ATRNL1: variants seen among roughly 807,000 people sequenced by gnomAD.
ATRNL1 encodes the protein attractin-like protein 1.
In ATRNL1, 95 loss-of-function variants were observed where a neutral mutation model predicts 182.7. The ratio of observed to expected loss-of-function variants is 0.52; its 90% CI spans 0.44 to 0.62. The LOEUF is 0.62. Among genes scored for constraint, ATRNL1 ranks in the 20% least tolerant of loss-of-function variants. The pLI is 0.00. For synonymous variants in ATRNL1, 576 were observed against 568.3 expected, an observed-to-expected ratio of 1.01 and a Z score of -0.19; for missense variants, 1,471 against 1,679.5, an observed-to-expected ratio of 0.88 and a Z score of 2.17.
chr10:115,590,656 CA>C (rs1404439620), intron 26 of ATRNL1, among the ~76,000 whole-genome samples: 2 of 152,064 alleles, frequency 1.3e-5, no homozygotes, highest in African/African-American at 4.8e-5. Context: ...GGAAGAAACT[CA>C]AAAGTCTCAT....
chr10:115,321,594 T>C (rs1854586976), intron 18 of ATRNL1, among the ~76,000 whole-genome samples: 2 of 151,820 alleles, frequency 1.3e-5, no homozygotes, highest in South Asian at 4.1e-4. Context: ...TTTCAGGTCT[T>C]GGCTAGTGGT....
intron 17 of ATRNL1, among the ~76,000 whole-genome samples, chr10:115,303,728 C>A (rs914786396): frequency 3.3e-5 from 5 of 151,968 alleles, no homozygotes; most frequent in Non-Finnish European, 5.9e-5. Flanking sequence ...AATACTTTAA[C>A]CTGCAGTAAA....
At chr10:115,544,674 AT>A (rs146808336) in intron 25 of ATRNL1, among the ~76,000 whole-genome samples, 1,770 of 152,324 alleles carry the variant, frequency 0.012, 28 homozygotes, top group African/African-American at 0.04. Flanking sequence ...CAACACTGGG[AT>A]TACAATTCAA....
chr10:115,606,786 A>G (rs1393610212), intron 26 of ATRNL1, among the ~76,000 whole-genome samples: 2 of 152,038 alleles, frequency 1.3e-5, no homozygotes, highest in African/African-American at 4.8e-5. Flanking sequence ...ACAGTGCCAG[A>G]ATTAAAGACG....
chr10:115,143,970 A>C (rs1845859350), intron 5 of ATRNL1, among the ~76,000 whole-genome samples: 1 of 149,706 alleles, frequency 6.7e-6, no homozygotes. Context: ...TAATATGAGA[A>C]TTTTTTTTGT....
At chr10:115,328,331 G>T (rs1855026731) in intron 18 of ATRNL1, among the ~76,000 whole-genome samples, 1 of 151,970 alleles carries the variant, frequency 6.6e-6, no homozygotes, top group Non-Finnish European at 1.5e-5. Context: ...GTTTCACACG[G>T]TTCAATGCGA....
intron 25 of ATRNL1, among the ~76,000 whole-genome samples, chr10:115,545,038 G>A (rs1554993230): frequency 6.6e-6 from 1 of 151,856 alleles, no homozygotes; most frequent in East Asian, 1.9e-4. Context: ...CATTTATAAA[G>A]TATTACCCTA....
At chr10:115,933,727 T>C (rs1440294596) in intron 28 of ATRNL1, among the ~76,000 whole-genome samples, 2 of 152,142 alleles carry the variant, frequency 1.3e-5, no homozygotes, top group Admixed American at 6.5e-5. Context: ...TTTTGGGACT[T>C]TTGCTGCAAA....
intron 28 of ATRNL1, among the ~76,000 whole-genome samples, chr10:115,858,267 A>G (rs1951231807): frequency 6.6e-6 from 1 of 152,240 alleles, no homozygotes; most frequent in Non-Finnish European, 1.5e-5. Context: ...CACTGTTCAC[A>G]ATAGCAAAGA....
intron 13 of ATRNL1, among the ~76,000 whole-genome samples, chr10:115,277,033 A>G (rs1852135705): frequency 6.6e-6 from 1 of 152,010 alleles, no homozygotes. Context: ...TTTATAGGTT[A>G]TTTTATTTAT....
chr10:115,649,367 C>T (rs782144247), intron 26 of ATRNL1, among the ~76,000 whole-genome samples: 1 of 152,040 alleles, frequency 6.6e-6, no homozygotes, highest in Non-Finnish European at 1.5e-5. Flanking sequence ...TCCAGCCTTC[C>T]TTAATTATTC....
chr10:115,862,578 G>T (rs981078976), intron 28 of ATRNL1, among the ~76,000 whole-genome samples: 1 of 152,188 alleles, frequency 6.6e-6, no homozygotes, highest in African/African-American at 2.4e-5. Context: ...AATTTAAAAA[G>T]TGTGGCAACC....
chr10:115,907,103 CA>C (rs11324278), intron 28 of ATRNL1, among the ~76,000 whole-genome samples: 12,410 of 152,156 alleles, frequency 0.082, 1,509 homozygotes, highest in African/African-American at 0.27. Flanking sequence ...CTAGAAAGTC[CA>C]AGTGACCTGG....
intron 27 of ATRNL1, among the ~76,000 whole-genome samples, chr10:115,775,052 T>C (rs1949088984): frequency 6.6e-6 from 1 of 152,186 alleles, no homozygotes. Flanking sequence ...GATTATACTT[T>C]AGAAAATAAT....
chr10:115,291,647 T>G (rs976859822), intron 15 of ATRNL1, among the ~76,000 whole-genome samples: 1 of 152,080 alleles, frequency 6.6e-6, no homozygotes, highest in Non-Finnish European at 1.5e-5. Context: ...TCTATCGATG[T>G]GATATTTGAT....
chr10:115,331,433 A>G (rs1855217569), intron 18 of ATRNL1, among the ~76,000 whole-genome samples: 1 of 151,752 alleles, frequency 6.6e-6, no homozygotes, highest in Non-Finnish European at 1.5e-5. Flanking sequence ...AATTATTTCA[A>G]TTTGTTTGTT....
At chr10:115,262,963 C>T (rs189025476) in intron 10 of ATRNL1, among the ~76,000 whole-genome samples, 261 of 151,876 alleles carry the variant, frequency 1.7e-3, no homozygotes, top group African/African-American at 5.8e-3. Flanking sequence ...CTAGTAAAAT[C>T]GAAGTTGTGT....
intron 20 of ATRNL1, among the ~76,000 whole-genome samples, chr10:115,408,556 G>T (rs1844975383): frequency 6.6e-6 from 1 of 152,100 alleles, no homozygotes; most frequent in Non-Finnish European, 1.5e-5. Context: ...TTGCTGTGCA[G>T]AAGTTTTTTA....
chr10:115,940,262 T>C (rs1555123886), intron 28 of ATRNL1, among the ~76,000 whole-genome samples: 2 of 152,192 alleles, frequency 1.3e-5, no homozygotes, highest in African/African-American at 4.8e-5. Context: ...TTCCTCTGGC[T>C]GGAAGTGAGG....
Sources: allele counts gnomAD v4.1 joint callset (sites outside exome capture counted in the v4.1 genomes callset), GRCh38; gene constraint gnomAD v4.1.1; transcripts MANE v1.5; gene names NCBI Gene and HGNC (gene_info 2026-07-23, HGNC 2026-07-21).